Variants in CACNG7 observed in about 807,000 individuals in gnomAD.
CACNG7 encodes voltage-dependent calcium channel gamma-7 subunit.
Under a neutral mutation model 26.3 loss-of-function variants are expected in CACNG7, and 9 were observed. That is an observed-to-expected ratio of 0.34 (90% confidence interval 0.21 to 0.60). The LOEUF (loss-of-function observed/expected upper bound fraction) is 0.60, where lower values mean the gene tolerates loss of function less well. Among genes scored for constraint, CACNG7 ranks in the 20% least tolerant of loss-of-function variants. The pLI is 0.81. For missense variants in CACNG7, 297 were observed against 380.4 expected (o/e 0.78, Z 1.82); for synonymous variants, 170 against 157.0 (o/e 1.08, Z -0.62).
At chr19:53,923,469 T>TC (rs1302936436) in intron 4 of CACNG7, among the ~76,000 whole-genome samples, 3 of 77,952 alleles carry the variant, frequency 3.8e-5, no homozygotes, top group East Asian at 4.1e-4. Flanking sequence ...GGTGGAGTTG[T>TC]CCCAGGTCTG....
At chr19:53,921,391 TGCCCCAG>T (rs2068949887) in intron 4 of CACNG7, among the ~76,000 whole-genome samples, 1 of 141,998 alleles carries the variant, frequency 7.0e-6, no homozygotes, top group Non-Finnish European at 1.5e-5. Context: ...TTGGTGGAGT[TGCCCCAG>T]GTCTGGTCAT....
At chr19:53,919,127 C>A (rs926176646) in intron 4 of CACNG7, among the ~76,000 whole-genome samples, 1 of 152,110 alleles carries the variant, frequency 6.6e-6, no homozygotes, top group African/African-American at 2.4e-5. Flanking sequence ...TTTTCCCAAC[C>A]CAGCCTCCTC....
intron 4 of CACNG7, among the ~76,000 whole-genome samples, chr19:53,915,841 A>G (rs1003654802): frequency 6.6e-6 from 1 of 152,196 alleles, no homozygotes. Flanking sequence ...GCTTAGGGCC[A>G]TACAACTAGT....
At position 53,942,134 on chromosome 19, in the gene CACNG7, C is replaced by T; in HGVS notation, c.669C>T (p.Asp223=). The change falls in exon 6 of 6, where the codon GAC becomes GAT. Residue 223 remains aspartate, a synonymous_variant. Coordinates refer to ENST00000391767, the MANE Select transcript of CACNG7 (RefSeq NM_031896.5). The surrounding 1 kb of genome is among the most constrained non-coding windows in gnomAD (Gnocchi z 5.9). ...CCTTCTACCGCCCGCGTCTCAGCGACTGCTCCGACTACTCGGGCCAGTTCC... is the reference window on the plus strand; with the variant it reads ...CCTTCTACCGCCCGCGTCTCAGCGATTGCTCCGACTACTCGGGCCAGTTCC... The part of the protein sequence containing the change: ...HPAFYRPRLS[D]CSDYSGQFLQ... 5.6e-6 allele frequency: 9 copies of T among 1,614,054 alleles called. No individual in the cohort carries two copies. Among genetic ancestry groups the T allele is most frequent in the South Asian group, 2.2e-5 (2 of 91,076 alleles).
chr19:53,915,512 C>A lies in CACNG7; in HGVS notation c.424+7C>A, dbSNP rs1255458873. Reference sequence around the variant, plus strand: ...ATCTTCTTCATACTATCGGGTGAGCCTAAGGACTTGGGGGTTGGGGGGGAC... The same window carrying A: ...ATCTTCTTCATACTATCGGGTGAGCATAAGGACTTGGGGGTTGGGGGGGAC... On this transcript the variant is annotated splice_region_variant and intron_variant, in intron 4 of 5. Coordinates refer to ENST00000391767, the MANE Select transcript of CACNG7 (RefSeq NM_031896.5). 1 of 1,613,932 alleles carries A rather than the reference C, an allele frequency of 6.2e-7. No homozygotes were observed. Among genetic ancestry groups the A allele is most frequent in the South Asian group, 1.1e-5 (1 of 91,070 alleles).
chr19:53,924,242 A>C (rs2069000016), intron 4 of CACNG7, among the ~76,000 whole-genome samples: 1 of 127,580 alleles, frequency 7.8e-6, no homozygotes, highest in African/African-American at 3.1e-5. Flanking sequence ...AGGTCTGGTC[A>C]TTGGTGGAGT....
In CACNG7 at chr19:53,939,528, C is replaced by A. The variant is rs2069125169; in HGVS notation, c.425-1942C>A. ...TGGACATTGCATATAAATGGAATCA[C>A]ACAATATGTGATATTTTGCATCTGG... On this transcript the variant is annotated intron_variant, in intron 4 of 5. Coordinates refer to ENST00000391767, the MANE Select transcript of CACNG7 (RefSeq NM_031896.5). The surrounding 1 kb of genome is among the most constrained non-coding windows in gnomAD (Gnocchi z 4.2). Among the ~76,000 whole-genome samples the A allele has an allele frequency of 6.6e-6, 1 of 152,152 alleles. No individual in the cohort carries two copies. Among genetic ancestry groups the A allele is most frequent in the Non-Finnish European group, 1.5e-5 (1 of 68,026 alleles).
At position 53,938,958 on chromosome 19, in the gene CACNG7, CAA is replaced by C. The variant is rs1600002655; in HGVS notation, c.425-2509_425-2508del. Reference sequence around the variant, plus strand: ...GCAAGACCCTGTCTTCAAAACAAAACAAAACAAAACAAAAAAGGCCGGGTGTG... The same window carrying C: ...GCAAGACCCTGTCTTCAAAACAAAACAACAAAACAAAAAAGGCCGGGTGTG... On this transcript the variant is annotated intron_variant, in intron 4 of 5. Transcript: ENST00000391767. Among the ~76,000 whole-genome samples the C allele has an allele frequency of 2.0e-5, 3 of 147,268 alleles. No homozygotes were observed. In the East Asian group the frequency reaches 6.2e-4, roughly 30 times the overall value.
Position 53,912,960 on chromosome 19 carries a change from G to T in CACNG7, c.129G>T (p.Pro43=). Residue 43 remains proline, a synonymous_variant, in exon 2 of 6, where the codon CCG becomes CCT. Transcript: ENST00000391767. The surrounding 1 kb of genome is among the most constrained non-coding windows in gnomAD (Gnocchi z 4.6). Reference sequence around the variant, plus strand: ...ACATGGAAGAAGGCACAGTGCTACCGCAGAACCAGACCACCGAGGTCAAGA... The same window carrying T: ...ACATGGAAGAAGGCACAGTGCTACCTCAGAACCAGACCACCGAGGTCAAGA... The part of the protein sequence containing the change: ...WLYMEEGTVL[P]QNQTTEVKMA... 1 of 1,613,846 alleles carries T rather than the reference G, an allele frequency of 6.2e-7. No homozygotes were observed. The highest frequency in any genetic ancestry group is 8.5e-7 in the Non-Finnish European group (1 of 1,179,952).
At chr19:53,924,663 T>A (rs2069007572) in intron 4 of CACNG7, among the ~76,000 whole-genome samples, 2 of 139,792 alleles carry the variant, frequency 1.4e-5, no homozygotes, top group Non-Finnish European at 3.0e-5. Context: ...TTGTCCGAGG[T>A]CTGGTATTGG....
chr19:53,937,007 G>A (rs969927218), intron 4 of CACNG7, among the ~76,000 whole-genome samples: 7 of 152,000 alleles, frequency 4.6e-5, no homozygotes, highest in African/African-American at 1.5e-4. Flanking sequence ...TCCTAGGCTC[G>A]AGGGATCCTC....
At chr19:53,935,186 C>G (rs1221198695) in intron 4 of CACNG7, among the ~76,000 whole-genome samples, 1 of 152,120 alleles carries the variant, frequency 6.6e-6, no homozygotes, top group Non-Finnish European at 1.5e-5. Flanking sequence ...ACTAGTTCAG[C>G]AAGTATTTCC....
intron 4 of CACNG7, among the ~76,000 whole-genome samples, chr19:53,927,800 T>C (rs2069042298): frequency 1.4e-5 from 2 of 147,718 alleles, no homozygotes; most frequent in Non-Finnish European, 3.0e-5. Flanking sequence ...ATCGCACCAT[T>C]GCACTCCAGC....
rs536287129 is a variant in CACNG7, at chr19:53,942,318, G to GCCT, written c.*39_*41dup. On this transcript the variant is annotated 3_prime_UTR_variant, in exon 6 of 6. Transcript: ENST00000391767. The surrounding 1 kb of genome is among the most constrained non-coding windows in gnomAD (Gnocchi z 5.9). ...AGGCCCGCCCCTCGGAGCTCCCCCT[G>GCCT]CCTCCTCCTCCTCCTCGTCTTAGGG... is the stretch of plus-strand genomic sequence containing the variant. The GCCT allele has an allele frequency of 4.0e-5, 60 of 1,499,766 alleles. No individual in the cohort carries two copies. Among genetic ancestry groups the GCCT allele is most frequent in the South Asian group, 4.9e-5 (4 of 82,384 alleles). 92.9% of individuals were successfully genotyped at this position (1,499,766 alleles called of 1,614,324 possible). A position where few individuals can be genotyped will look rare whatever the true frequency, so the allele number is the denominator to read the frequency against.
At chr19:53,926,469 T>G (rs2069031975) in intron 4 of CACNG7, among the ~76,000 whole-genome samples, 1 of 152,152 alleles carries the variant, frequency 6.6e-6, no homozygotes, top group Non-Finnish European at 1.5e-5. Flanking sequence ...ACTTTTTCTC[T>G]TCAGAGTTGC....
Position 53,925,502 on chromosome 19 carries a change from T to TGCCCCAGGTCTGGTCATTGGTGGACTC in CACNG7, c.424+10005_424+10006insTCTGGTCATTGGTGGACTCGCCCCAGG, listed in dbSNP as rs1442529154. Among the ~76,000 whole-genome samples the TGCCCCAGGTCTGGTCATTGGTGGACTC allele has an allele frequency of 2.1e-3, 308 of 146,572 alleles. 10 individuals are homozygous for TGCCCCAGGTCTGGTCATTGGTGGACTC. Among genetic ancestry groups the TGCCCCAGGTCTGGTCATTGGTGGACTC allele is most frequent in the African/African-American group, 7.7e-3 (298 of 38,794 alleles). ...GCCCCAGGCTGGTCATTGGTGGACTTGCCCCAGGCTGGTCATTGGTGGAGT... is the reference window on the plus strand; with the variant it reads ...GCCCCAGGCTGGTCATTGGTGGACTTGCCCCAGGTCTGGTCATTGGTGGACTCGCCCCAGGCTGGTCATTGGTGGAGT... On this transcript the variant is annotated intron_variant, in intron 4 of 5. Transcript: ENST00000391767.
In CACNG7 at chr19:53,939,864, A is replaced by G. The variant is rs1053678291; in HGVS notation, c.425-1606A>G. Among the ~76,000 whole-genome samples the G allele has an allele frequency of 6.6e-6, 1 of 152,318 alleles. No individual in the cohort carries two copies. Among genetic ancestry groups the G allele is most frequent in the Middle Eastern group, 3.4e-3 (1 of 294 alleles). ...TGAGGCGCTGCCAAATGAAATTCAT[A>G]TACTTTTTATGTGCCACAAAATACC... is the stretch of plus-strand genomic sequence containing the variant. On this transcript the variant is annotated intron_variant, in intron 4 of 5. Coordinates refer to ENST00000391767, the MANE Select transcript of CACNG7 (RefSeq NM_031896.5). This position sits in a 1 kb window ranked among gnomAD's most constrained non-coding sequence, Gnocchi z 4.2.
intron 4 of CACNG7, among the ~76,000 whole-genome samples, chr19:53,919,060 G>T (rs1026317135): frequency 2.9e-4 from 44 of 152,178 alleles, no homozygotes; most frequent in African/African-American, 1.1e-3. Flanking sequence ...GTGAGCCACC[G>T]CACGTTGCCC....
At chr19:53,930,437 A>G (rs2069064162) in intron 4 of CACNG7, among the ~76,000 whole-genome samples, 1 of 152,032 alleles carries the variant, frequency 6.6e-6, no homozygotes, top group African/African-American at 2.4e-5. Context: ...CAGTGGCTCA[A>G]TCTCAACTCA....
Sources: allele counts gnomAD v4.1 joint callset (sites outside exome capture counted in the v4.1 genomes callset), GRCh38; gene constraint gnomAD v4.1.1; non-coding constraint Gnocchi (gnomAD v3.1); transcripts MANE v1.5; gene names NCBI Gene and HGNC (gene_info 2026-07-23, HGNC 2026-07-21).